The following YEATS4 variants were observed in gnomAD, a reference collection of about 807,000 sequenced individuals.
The protein encoded by YEATS4 is YEATS domain containing 4, also known as YEATS domain-containing protein 4.
YEATS4 carries 17 observed loss-of-function variants against 30.1 expected under a neutral mutation model. The observed-to-expected ratio is 0.56, with a 90% confidence interval of 0.39 to 0.85. The LOEUF is 0.85. Among genes scored for constraint, YEATS4 ranks in the 40% least tolerant of loss-of-function variants. The probability of loss-of-function intolerance (pLI) is 0.00; values close to 1 mark genes in which losing one functional copy is unlikely to be tolerated. For missense variants in YEATS4, 142 were observed against 268.3 expected (o/e 0.53, Z 3.29); for synonymous variants, 85 against 87.5 (o/e 0.97, Z 0.16).
At chr12:69,371,059 T>A in intron 6 of YEATS4, 84 bp downstream of exon 6, 4 of 1,362,030 alleles carry the variant, frequency 2.9e-6, no homozygotes, top group Non-Finnish European at 3.0e-6. Flanking sequence ...TTTTACACTT[T>A]AAAAAAATGA....
chr12:69,420,082 G>A, the YEATS4 span, among the ~76,000 whole-genome samples: 2 of 152,212 alleles, frequency 1.3e-5, no homozygotes, highest in Non-Finnish European at 2.9e-5. Flanking sequence ...GGTTGTCATT[G>A]TCTTTGAGGG....
intron 6 of YEATS4, among the ~76,000 whole-genome samples, chr12:69,383,277 G>A (rs1787090047): frequency 6.6e-6 from 1 of 152,094 alleles, no homozygotes; most frequent in Admixed American, 6.5e-5. Context: ...AAAAAAAAGT[G>A]CAAGTTTGGA....
chr12:69,386,464 A>G (rs898739436), intron 6 of YEATS4, among the ~76,000 whole-genome samples: 1 of 152,194 alleles, frequency 6.6e-6, no homozygotes, highest in African/African-American at 2.4e-5. Flanking sequence ...AGATGTTACT[A>G]CTACCAAGAA....
rs1436190226 is a variant in YEATS4, at chr12:69,359,773, G to A, written c.-200G>A. On this transcript the variant is annotated 5_prime_UTR_variant, in exon 1 of 7. Coordinates refer to ENST00000247843, the MANE Select transcript of YEATS4 (RefSeq NM_006530.4). Reference sequence around the variant, plus strand: ...TTCGCGGCGTTCTCCACCTGCGCGGGCCTGAATGGCCTTCAGGAGCACAGT... The same window carrying A: ...TTCGCGGCGTTCTCCACCTGCGCGGACCTGAATGGCCTTCAGGAGCACAGT... 3 of 602,394 alleles carry A rather than the reference G, an allele frequency of 5.0e-6. No individual in the cohort carries two copies. Among genetic ancestry groups the A allele is most frequent in the Non-Finnish European group, 8.5e-6 (3 of 353,288 alleles). The allele number at this position is 602,394 out of a possible 1,614,324, so 37.3% of individuals were successfully genotyped here.
chr12:69,385,460 T>C (rs1421115055), intron 6 of YEATS4, among the ~76,000 whole-genome samples: 1 of 152,206 alleles, frequency 6.6e-6, no homozygotes, highest in African/African-American at 2.4e-5. Flanking sequence ...ACTTATTCAG[T>C]GCTTACTATT....
intron 6 of YEATS4, among the ~76,000 whole-genome samples, chr12:69,374,856 C>T (rs994417527): frequency 1.3e-5 from 2 of 152,172 alleles, no homozygotes; most frequent in Non-Finnish European, 2.9e-5. Flanking sequence ...GACAAAACCG[C>T]CATCGTCATC....
At chr12:69,407,804 C>T in the YEATS4 span, among the ~76,000 whole-genome samples, 1 of 142,662 alleles carries the variant, frequency 7.0e-6, no homozygotes, top group Non-Finnish European at 1.5e-5. Flanking sequence ...ACAACCTCTG[C>T]CTCCCAGGTT....
rs1046159276 is a variant in YEATS4 at position 69,361,935 on chromosome 12, A to G, written c.52-853A>G. Among the ~76,000 whole-genome samples, 4 of 151,516 alleles carry G rather than the reference A, an allele frequency of 2.6e-5. No individual in the cohort carries two copies. In the South Asian group the frequency reaches 8.3e-4, roughly 32 times the overall value. ...ATTCAACTGTAATATTTATTGTAAC[A>G]TTTACATTTAAATCAGTTTATTTTT... On this transcript the variant is annotated intron_variant, in intron 1 of 6. Transcript: ENST00000247843.
intron 2 of YEATS4, among the ~76,000 whole-genome samples, chr12:69,365,391 C>T (rs1293795693): frequency 1.3e-5 from 2 of 149,176 alleles, no homozygotes; most frequent in Non-Finnish European, 1.5e-5. Context: ...AGGGAAGTTG[C>T]AGTGAGCCAA....
intron 4 of YEATS4, among the ~76,000 whole-genome samples, chr12:69,368,702 T>G (rs999048337): frequency 3.9e-5 from 6 of 152,308 alleles, no homozygotes; most frequent in Non-Finnish European, 8.8e-5. Flanking sequence ...TTCCAAAGCC[T>G]TTAGGGGAGC....
chr12:69,362,410 G>T (rs930451763), intron 1 of YEATS4, among the ~76,000 whole-genome samples: 1 of 152,120 alleles, frequency 6.6e-6, no homozygotes, highest in African/African-American at 2.4e-5. Context: ...ACTATACTTT[G>T]GGAAACACTG....
At chr12:69,365,975 G>A in intron 4 of YEATS4, 91 bp downstream of exon 4, 1 of 952,222 alleles carries the variant, frequency 1.1e-6, no homozygotes, top group Non-Finnish European at 1.5e-6. Context: ...TCATTCAGAT[G>A]TGTTTTATGT....
chr12:69,376,385 A>G (rs1184195759), intron 6 of YEATS4, among the ~76,000 whole-genome samples: 1 of 152,236 alleles, frequency 6.6e-6, no homozygotes, highest in Non-Finnish European at 1.5e-5. Flanking sequence ...AAATAAATAA[A>G]TAATGATAAT....
At position 69,359,844 on chromosome 12, in the gene YEATS4, C is replaced by A; in HGVS notation, c.-129C>A. On this transcript the variant is annotated 5_prime_UTR_variant, in exon 1 of 7. Transcript: ENST00000247843. ...TACTCACCGCCGTGAGCCCAAGTAA[C>A]TCGCCCTCCTTCGGCTAGAAACCCT... The A allele has an allele frequency of 8.8e-7, 1 of 1,131,946 alleles. No individual in the cohort carries two copies. Among genetic ancestry groups the A allele is most frequent in the African/African-American group, 1.6e-5 (1 of 62,788 alleles). The allele number at this position is 1,131,946 out of a possible 1,614,324, so 70.1% of individuals were successfully genotyped here.
chr12:69,391,689 T>C (rs1428417390), downstream of YEATS4, among the ~76,000 whole-genome samples: 1 of 152,192 alleles, frequency 6.6e-6, no homozygotes, highest in Non-Finnish European at 1.5e-5. Context: ...GTGCCAGGCA[T>C]CATTCATTTT....
At chr12:69,402,725 C>CTTTTT in the YEATS4 span, among the ~76,000 whole-genome samples, 40 of 113,044 alleles carry the variant, frequency 3.5e-4, no homozygotes, top group East Asian at 4.9e-4. Flanking sequence ...TCTTTCTTTT[C>CTTTTT]TTTTTTTTTT....
chr12:69,386,162 G>A (rs1430833530), intron 6 of YEATS4, among the ~76,000 whole-genome samples: 4 of 152,162 alleles, frequency 2.6e-5, no homozygotes, highest in Admixed American at 2.0e-4. Context: ...GTTTTAAAAT[G>A]TTTTCCCCCA....
At chr12:69,369,341 A>G (rs1421150425) in intron 4 of YEATS4, among the ~76,000 whole-genome samples, 1 of 152,138 alleles carries the variant, frequency 6.6e-6, no homozygotes. Flanking sequence ...ATTTTTTCAG[A>G]AAGGATGCCT....
intron 2 of YEATS4, among the ~76,000 whole-genome samples, chr12:69,364,700 A>G (rs1387946452): frequency 6.6e-6 from 1 of 151,998 alleles, no homozygotes; most frequent in African/African-American, 2.4e-5. Flanking sequence ...GCTTATTGCA[A>G]CCTCCGCCTC....
Sources: gnomAD v4.1 joint callset for allele counts (sites outside exome capture counted in the v4.1 genomes callset) on GRCh38, gnomAD v4.1.1 for gene constraint, MANE v1.5 for transcripts, NCBI Gene and HGNC (gene_info 2026-07-23, HGNC 2026-07-21) for gene names.